Variants in COL5A2 observed in about 807,000 individuals in gnomAD.
The protein encoded by COL5A2 is collagen type V alpha 2 chain.
In COL5A2, 23 loss-of-function variants were observed where a neutral mutation model predicts 208.2. The ratio of observed to expected loss-of-function variants is 0.11; its 90% CI spans 0.08 to 0.16. The LOEUF (loss-of-function observed/expected upper bound fraction) is 0.16. Among genes scored for constraint, COL5A2 ranks in the 10% least tolerant of loss-of-function variants. COL5A2 has a pLI of 1.00. For synonymous variants in COL5A2, 625 were observed against 628.5 expected (o/e 0.99, Z 0.08); for missense variants, 1,590 against 1,956.4 (o/e 0.81, Z 3.53).
chr2:189,383,818 T>C, the COL5A2 span, among the ~76,000 whole-genome samples: 1 of 152,126 alleles, frequency 6.6e-6, no homozygotes, highest in Non-Finnish European at 1.5e-5. Flanking sequence ...TTGGTAACTA[T>C]CGTTGCCCTA....
chr2:189,084,058 G>A, intron 11 of COL5A2, 21 bp from the exon 12 acceptor site: 1 of 1,594,258 alleles, frequency 6.3e-7, no homozygotes, highest in Non-Finnish European at 8.6e-7. Flanking sequence ...AAAAATGTAG[G>A]AGATTGGGAA....
the COL5A2 span, among the ~76,000 whole-genome samples, chr2:189,266,455 A>G: frequency 1.3e-5 from 2 of 152,014 alleles, no homozygotes; most frequent in Admixed American, 1.3e-4. Context: ...AAATATAGAT[A>G]CATGCAACCA....
the COL5A2 span, among the ~76,000 whole-genome samples, chr2:189,287,541 T>C: frequency 7.9e-5 from 12 of 152,170 alleles, no homozygotes; most frequent in Admixed American, 3.9e-4. Flanking sequence ...AAGATGTCTA[T>C]CACTTCCTTT....
chr2:189,173,165 G>A (rs540039101), intron 1 of COL5A2, among the ~76,000 whole-genome samples: 3 of 151,416 alleles, frequency 2.0e-5, no homozygotes, highest in Admixed American at 6.6e-5. Flanking sequence ...GTAGAGACAG[G>A]GTTTCACCAT....
At chr2:189,081,095 A>G (rs761750708) in intron 12 of COL5A2, 52 bp from the exon 13 acceptor site, 1 of 1,447,218 alleles carries the variant, frequency 6.9e-7, no homozygotes, top group Non-Finnish European at 9.7e-7. Context: ...AAGGATGCAA[A>G]ATTCCTTAAT....
At chr2:189,147,441 A>C (rs1454113831) in intron 1 of COL5A2, among the ~76,000 whole-genome samples, 1 of 152,154 alleles carries the variant, frequency 6.6e-6, no homozygotes, top group Non-Finnish European at 1.5e-5. Context: ...GATCTGGTGG[A>C]ATCTGTTACA....
the COL5A2 span, among the ~76,000 whole-genome samples, chr2:189,402,118 A>C: frequency 6.6e-6 from 1 of 152,084 alleles, no homozygotes; most frequent in African/African-American, 2.4e-5. Flanking sequence ...TGCTTTTGGC[A>C]TCTTTGTCAT....
chr2:189,061,846 T>C (rs1559084952), intron 29 of COL5A2, among the ~76,000 whole-genome samples: 2 of 152,202 alleles, frequency 1.3e-5, no homozygotes, highest in Non-Finnish European at 2.9e-5. Flanking sequence ...GTATTTATTT[T>C]TTGATCCAAA....
chr2:189,054,204 T>C lies in COL5A2; in HGVS notation c.2400A>G (p.Pro800=), dbSNP rs1335810893. ...CCGGACCTGGAGGGCCCAAAGGACC[T>C]GGAAGACCCTGTCAATTAACAGAAC... ...TAGNDGARGL[P]GPLGPPGPAG... Residue 800 remains proline (P), a synonymous_variant, in exon 36 of 54, where the codon CCA becomes CCG. Coordinates refer to ENST00000374866, the MANE Select transcript of COL5A2 (RefSeq NM_000393.5). 4.3e-6 allele frequency: 7 copies of C among 1,613,802 alleles called. No individual in the cohort carries two copies. Among genetic ancestry groups the C allele is most frequent in the Admixed American group, 1.7e-5 (1 of 60,032 alleles).
At chr2:189,322,517 T>G in the COL5A2 span, among the ~76,000 whole-genome samples, 1 of 152,012 alleles carries the variant, frequency 6.6e-6, no homozygotes, top group Non-Finnish European at 1.5e-5. Context: ...CCCACAGAAA[T>G]ACAAACTGCC....
the COL5A2 span, among the ~76,000 whole-genome samples, chr2:189,384,544 T>C: frequency 6.6e-6 from 1 of 152,158 alleles, no homozygotes; most frequent in East Asian, 1.9e-4. Context: ...GTTGGCCATA[T>C]GTCTTCTTTT....
chr2:189,407,133 T>C, the COL5A2 span, among the ~76,000 whole-genome samples: 2 of 152,138 alleles, frequency 1.3e-5, no homozygotes, highest in Non-Finnish European at 1.5e-5. Flanking sequence ...TATACTAAAT[T>C]TTCAATAAAA....
the COL5A2 span, among the ~76,000 whole-genome samples, chr2:189,373,110 T>C: frequency 6.6e-6 from 1 of 152,214 alleles, no homozygotes; most frequent in African/African-American, 2.4e-5. Context: ...TTCTGGATCA[T>C]TTCATGGCAA....
At chr2:189,333,137 C>T in the COL5A2 span, among the ~76,000 whole-genome samples, 5 of 152,052 alleles carry the variant, frequency 3.3e-5, no homozygotes, top group East Asian at 5.8e-4. Context: ...TCCAATCTTA[C>T]TCTTTCGAAA....
At chr2:189,087,675 G>C (rs1686692880) in intron 8 of COL5A2, among the ~76,000 whole-genome samples, 1 of 146,788 alleles carries the variant, frequency 6.8e-6, no homozygotes, top group African/African-American at 2.5e-5. Context: ...CATCGTGTTA[G>C]CCAGAATGGT....
the COL5A2 span, among the ~76,000 whole-genome samples, chr2:189,322,237 A>C: frequency 6.6e-6 from 1 of 152,244 alleles, no homozygotes. Context: ...AAAGATCTAA[A>C]ATTGACACCC....
the COL5A2 span, chr2:189,312,092 G>T: frequency 1.3e-6 from 1 of 786,826 alleles, no homozygotes; most frequent in Admixed American, 1.7e-5. Flanking sequence ...GCAGAATGAT[G>T]CTGGCATTGT....
At chr2:189,090,641 A>T (rs187757668) in intron 7 of COL5A2, among the ~76,000 whole-genome samples, 1 of 152,294 alleles carries the variant, frequency 6.6e-6, no homozygotes, top group Admixed American at 6.5e-5. Context: ...GCAGCTGGAG[A>T]CTTTAAGCTA....
chr2:189,394,061 C>T, the COL5A2 span, among the ~76,000 whole-genome samples: 3 of 152,256 alleles, frequency 2.0e-5, no homozygotes, highest in Middle Eastern at 3.4e-3. Flanking sequence ...CTCCTAATCA[C>T]ACATTCCTAT....
Sources: allele counts gnomAD v4.1 joint callset (sites outside exome capture counted in the v4.1 genomes callset), GRCh38; gene constraint gnomAD v4.1.1; transcripts MANE v1.5; gene names NCBI Gene and HGNC (gene_info 2026-07-23, HGNC 2026-07-21).